ENOX1: variants seen among roughly 807,000 people sequenced by gnomAD.
The protein encoded by ENOX1 is ecto-NOX disulfide-thiol exchanger 1.
ENOX1 carries 42 observed loss-of-function variants against 82.5 expected under a neutral mutation model. That is an observed-to-expected ratio of 0.51 (90% CI 0.40 to 0.66). The LOEUF is 0.66. Ranked by LOEUF, ENOX1 falls within the 30% of genes least tolerant of loss-of-function variation. ENOX1 has a pLI of 0.00. For missense variants in ENOX1, 608 were observed against 811.6 expected, an observed-to-expected ratio of 0.75 and a Z score of 3.05; for synonymous variants, 271 against 282.2, an observed-to-expected ratio of 0.96 and a Z score of 0.40.
chr13:43,749,512 T>C (rs1950200555), intron 1 of ENOX1, among the ~76,000 whole-genome samples: 1 of 152,246 alleles, frequency 6.6e-6, no homozygotes, highest in Non-Finnish European at 1.5e-5. Flanking sequence ...GCCATGGAAA[T>C]GCTGGGCTTG....
chr13:43,267,763 G>T (rs922595564), intron 13 of ENOX1, among the ~76,000 whole-genome samples: 1 of 152,134 alleles, frequency 6.6e-6, no homozygotes, highest in Non-Finnish European at 1.5e-5. Context: ...GGGGCTCTTG[G>T]ACAAACAGCT....
chr13:43,612,993 AT>A (rs2153739590), intron 2 of ENOX1, among the ~76,000 whole-genome samples: 1 of 152,286 alleles, frequency 6.6e-6, no homozygotes, highest in East Asian at 1.9e-4. Context: ...TGATGATGGC[AT>A]TTGAAGAGAT....
At chr13:43,214,327 G>A (rs766397935) in intron 16 of ENOX1, among the ~76,000 whole-genome samples, 4 of 152,128 alleles carry the variant, frequency 2.6e-5, no homozygotes, top group Non-Finnish European at 5.9e-5. Context: ...TGGGGCGTGG[G>A]TTGGCTGGGC....
At chr13:43,358,804 G>A (rs959209988) in intron 7 of ENOX1, among the ~76,000 whole-genome samples, 7 of 152,164 alleles carry the variant, frequency 4.6e-5, no homozygotes, top group Middle Eastern at 3.2e-3. Context: ...GTCTAACAGC[G>A]GATTGTGTGT....
In ENOX1 at chr13:43,415,249, T is replaced by TG. The variant is rs1460251079; in HGVS notation, c.-74-2262_-74-2261insC. ...AATCCAATGTTTTTTTTTTTTTTTT[T>TG]TTTTTTTTTTAGTATTTATTGATCA... On this transcript the variant is annotated intron_variant, in intron 3 of 16. Coordinates refer to ENST00000690772, the MANE Select transcript of ENOX1 (RefSeq NM_001347969.2). Among the ~76,000 whole-genome samples the TG allele has an allele frequency of 4.8e-5, 7 of 146,456 alleles. No homozygotes were observed. In the South Asian group the frequency reaches 9.0e-4, roughly 19 times the overall value.
intron 14 of ENOX1, among the ~76,000 whole-genome samples, chr13:43,245,689 C>T (rs1373525529): frequency 6.6e-6 from 1 of 152,184 alleles, no homozygotes; most frequent in Non-Finnish European, 1.5e-5. Context: ...TGCCCTTTCC[C>T]AGCAGCCTTT....
At chr13:43,504,368 A>G (rs896012159) in intron 2 of ENOX1, among the ~76,000 whole-genome samples, 1 of 151,776 alleles carries the variant, frequency 6.6e-6, no homozygotes, top group East Asian at 1.9e-4. Flanking sequence ...TTTCTGCACT[A>G]TCATGCTCAC....
chr13:43,349,435 G>A (rs2049618914), intron 8 of ENOX1, among the ~76,000 whole-genome samples: 1 of 152,200 alleles, frequency 6.6e-6, no homozygotes, highest in Non-Finnish European at 1.5e-5. Context: ...ACTATCAGAT[G>A]TCACCACTGG....
intron 2 of ENOX1, among the ~76,000 whole-genome samples, chr13:43,577,545 T>C (rs975572875): frequency 1.3e-5 from 2 of 152,188 alleles, no homozygotes; most frequent in Non-Finnish European, 2.9e-5. Context: ...TGTCCTCATG[T>C]GGCGGAAAAG....
chr13:43,275,710 A>G (rs1349462885), intron 12 of ENOX1, among the ~76,000 whole-genome samples: 2 of 152,164 alleles, frequency 1.3e-5, no homozygotes, highest in Non-Finnish European at 2.9e-5. Flanking sequence ...TTTAGTCAAC[A>G]CTGAGCTCCT....
intron 14 of ENOX1, among the ~76,000 whole-genome samples, chr13:43,263,537 T>A (rs1319160289): frequency 6.6e-6 from 1 of 152,208 alleles, no homozygotes; most frequent in Non-Finnish European, 1.5e-5. Context: ...CTTTTAAAAT[T>A]TTTCAAAAAG....
chr13:43,233,950 C>A (rs1033914099), intron 15 of ENOX1, among the ~76,000 whole-genome samples: 1 of 152,086 alleles, frequency 6.6e-6, no homozygotes, highest in African/African-American at 2.4e-5. Flanking sequence ...TACCAGAAGG[C>A]CAGAGGGCTC....
chr13:43,577,083 T>G (rs2080461945), intron 2 of ENOX1, among the ~76,000 whole-genome samples: 1 of 152,158 alleles, frequency 6.6e-6, no homozygotes, highest in Non-Finnish European at 1.5e-5. Flanking sequence ...GAATAAGTAG[T>G]AACTGCTTAA....
intron 3 of ENOX1, among the ~76,000 whole-genome samples, chr13:43,454,394 A>G (rs2057122701): frequency 6.6e-6 from 1 of 152,164 alleles, no homozygotes; most frequent in South Asian, 2.1e-4. Context: ...CAGGAAAACT[A>G]GCACTGTCCA....
intron 3 of ENOX1, among the ~76,000 whole-genome samples, chr13:43,430,857 G>A (rs575815759): frequency 1.3e-5 from 2 of 152,292 alleles, no homozygotes; most frequent in Non-Finnish European, 2.9e-5. Flanking sequence ...AATACCACAT[G>A]GATGCCAAGG....
At chr13:43,772,916 T>C (rs1951728664) in intron 1 of ENOX1, among the ~76,000 whole-genome samples, 1 of 152,174 alleles carries the variant, frequency 6.6e-6, no homozygotes, top group African/African-American at 2.4e-5. Context: ...TAGATAGATC[T>C]GAATAGTGTA....
chr13:43,354,633 A>G (rs901559267), intron 8 of ENOX1, among the ~76,000 whole-genome samples: 5 of 152,190 alleles, frequency 3.3e-5, no homozygotes, highest in Admixed American at 3.3e-4. Flanking sequence ...GATCAATCAC[A>G]TCCCTCTTCT....
intron 1 of ENOX1, among the ~76,000 whole-genome samples, chr13:43,731,970 A>G (rs1320984158): frequency 2.0e-5 from 3 of 152,254 alleles, no homozygotes; most frequent in Non-Finnish European, 4.4e-5. Flanking sequence ...GGTGAGAGTT[A>G]ATTAACATTT....
chr13:43,574,962 A>G (rs887292867), intron 2 of ENOX1, among the ~76,000 whole-genome samples: 2 of 152,198 alleles, frequency 1.3e-5, no homozygotes, highest in African/African-American at 4.8e-5. Context: ...GGGAAGGAAA[A>G]GCAGTGCGCC....
Sources: allele counts gnomAD v4.1 joint callset (sites outside exome capture counted in the v4.1 genomes callset), GRCh38; gene constraint gnomAD v4.1.1; transcripts MANE v1.5; gene names NCBI Gene and HGNC (gene_info 2026-07-23, HGNC 2026-07-21).